Variants in MED13 observed in about 807,000 individuals in gnomAD.
MED13 encodes mediator complex subunit 13, also known as mediator of RNA polymerase II transcription subunit 13.
In MED13, 23 loss-of-function variants were observed where a neutral mutation model predicts 225.2. The ratio of observed to expected loss-of-function variants is 0.10; its 90% CI spans 0.07 to 0.14. MED13 has a LOEUF of 0.14. Among genes scored for constraint, MED13 ranks in the 10% least tolerant of loss-of-function variants. The probability of loss-of-function intolerance (pLI) is 1.00; values close to 1 mark genes in which losing one functional copy is unlikely to be tolerated. For missense variants in MED13, 2,197 were observed against 2,594.5 expected (o/e 0.85, Z 3.33); for synonymous variants, 942 against 889.2 (o/e 1.06, Z -1.06).
chr17:62,012,279 C>T (rs1292762974), intron 8 of MED13, among the ~76,000 whole-genome samples: 1 of 151,352 alleles, frequency 6.6e-6, no homozygotes, highest in African/African-American at 2.4e-5. Context: ...GAGATTTCCA[C>T]TCAATGAGAG....
chr17:61,980,764 A>G (rs2080196671), intron 16 of MED13, among the ~76,000 whole-genome samples: 1 of 152,116 alleles, frequency 6.6e-6, no homozygotes, highest in Non-Finnish European at 1.5e-5. Context: ...CAATAGCAAC[A>G]GAGTGTCTTG....
At chr17:62,003,614 A>AAAAAAAAAAAAAC (rs1419836656) in intron 9 of MED13, 1 of 151,002 alleles carries the variant, frequency 6.6e-6, no homozygotes, top group African/African-American at 2.4e-5. Flanking sequence ...AAAAAAAAAA[A>AAAAAAAAAAAAAC]AAAAAAAGCA....
rs190261461 is a variant in MED13 at position 62,052,710 on chromosome 17, A to G, written c.302-5T>C. 1,037 of 1,549,694 alleles carry G rather than the reference A, an allele frequency of 6.7e-4. 6 individuals are homozygous for G. The African/African-American group carries it at 0.013, about 19-fold the overall frequency. On this transcript the variant is annotated splice_region_variant and splice_polypyrimidine_tract_variant and intron_variant, in intron 2 of 29. Transcript: ENST00000397786. ...CCCACACTCCATCTTCTTCTTCTAAAAGAGAAATGAAGGAAATAATAAAAT... is the reference window on the plus strand; with the variant it reads ...CCCACACTCCATCTTCTTCTTCTAAGAGAGAAATGAAGGAAATAATAAAAT...
At chr17:62,016,932 C>T (rs1019713920) in intron 8 of MED13, among the ~76,000 whole-genome samples, 2 of 151,870 alleles carry the variant, frequency 1.3e-5, no homozygotes, top group African/African-American at 4.8e-5. Context: ...ATCACTTGAA[C>T]CCAGGAGGTG....
Position 61,969,653 on chromosome 17 carries a change from G to A in MED13, c.3968-1395C>T, listed in dbSNP as rs921192424. Among the ~76,000 whole-genome samples, 17 of 152,164 alleles carry A rather than the reference G, an allele frequency of 1.1e-4. No homozygotes were observed. In the East Asian group the frequency reaches 2.9e-3, roughly 26 times the overall value. On this transcript the variant is annotated intron_variant, in intron 17 of 29. Transcript: ENST00000397786. The stretch of plus-strand genomic sequence containing the variant: ...GTCTTGCTCTGTTGCCTAGGCTGCA[G>A]TGCAGTGGTGCGATCTCCACTCACT...
rs1263051973 is a variant in MED13, at chr17:61,942,907, C to A, written c.*3561G>T. ...CCAGTAATGACGTTACAATTTGTAG[C>A]TTAAACTCAATAACTTTAAGGTCCA... On this transcript the variant is annotated 3_prime_UTR_variant, in exon 30 of 30. Transcript: ENST00000397786. 6.6e-6 allele frequency: 1 copy of A among 152,504 alleles called. No individual in the cohort carries two copies. The allele number at this position is 152,504 out of a possible 1,614,324, so 9.4% of individuals were successfully genotyped here.
intron 8 of MED13, among the ~76,000 whole-genome samples, chr17:62,026,479 A>T (rs1378298351): frequency 3.7e-5 from 5 of 133,756 alleles, no homozygotes; most frequent in East Asian, 2.1e-4. Context: ...ATTTATCATT[A>T]AAAAAAAAAA....
At chr17:62,011,352 G>T (rs1441053810) in intron 8 of MED13, 119 bp from the exon 9 acceptor site, 3 of 865,454 alleles carry the variant, frequency 3.5e-6, no homozygotes, top group African/African-American at 3.5e-5. Context: ...AATACTAAAA[G>T]TAAAATAATT....
chr17:62,011,008 G>T lies in MED13; in HGVS notation c.1509C>A (p.Asp503Glu). 1.2e-6 allele frequency: 2 copies of T among 1,614,062 alleles called. No homozygotes were observed. Among genetic ancestry groups the T allele is most frequent in the Non-Finnish European group, 1.7e-6 (2 of 1,179,896 alleles). Residue 503 changes from aspartate to glutamate, a missense_variant, in exon 9 of 30, where the codon GAC (aspartate) becomes GAA (glutamate). This residue lies in a region of MED13 where 884 missense variants were observed against 918.5 expected (regional missense o/e 0.96). Coordinates refer to ENST00000397786, the MANE Select transcript of MED13 (RefSeq NM_005121.3). The part of the protein sequence containing the change: ...ASQRLVISAP[D>E]SQVRFSNIRT... ...GGATATTTGAAAATCTCACTTGACT[G>T]TCTGGAGCAGAGATCACAAGTCTTT...
intron 11 of MED13, 65 bp from the exon 12 acceptor site, chr17:61,987,193 T>G (rs888670157): frequency 3.3e-6 from 4 of 1,208,980 alleles, no homozygotes; most frequent in African/African-American, 1.6e-5. Context: ...TCCCAGCACT[T>G]TGGGAGGCCG....
rs769202081 is a variant in MED13 at position 62,011,214 on chromosome 17, T to C, written c.1303A>G (p.Arg435Gly). The C allele has an allele frequency of 9.0e-5, 145 of 1,606,250 alleles. No homozygotes were observed. Among genetic ancestry groups the C allele is most frequent in the Non-Finnish European group, 1.2e-4 (143 of 1,177,092 alleles). The change falls in exon 9 of 30, where the codon AGA (arginine) becomes GGA (glycine). Residue 435 changes from arginine to glycine, a missense_variant. By Grantham distance (125) the Arg-to-Gly change is moderately radical (BLOSUM62 -2). This residue lies in a region of MED13 where 884 missense variants were observed against 918.5 expected (regional missense o/e 0.96). Coordinates refer to ENST00000397786, the MANE Select transcript of MED13 (RefSeq NM_005121.3). The part of the protein sequence containing the change: ...SCLRHKNLKS[R>G]NAGQQGQAPS... ...GCCTGTCCTTGTTGTCCAGCATTTC[T>C]TGACTTGAGATTTTTGTGCCTGAAA...
At position 61,946,531 on chromosome 17, in the gene MED13, T is replaced by A; in HGVS notation, c.6462A>T (p.Ser2154=). ...GCACCACAAAATGAATTGGGAGACATGAGCGTCTGTCCTGGGTTGCAGGGT... is the reference window on the plus strand; with the variant it reads ...GCACCACAAAATGAATTGGGAGACAAGAGCGTCTGTCCTGGGTTGCAGGGT... The part of the protein sequence containing the change: ...TCDPATQDRR[S]CLPIHFVVLN... Residue 2154 remains serine (S), a synonymous_variant, in exon 30 of 30, where the codon TCA becomes TCT. Transcript: ENST00000397786. 1 of 1,613,904 alleles carries A rather than the reference T, an allele frequency of 6.2e-7. No individual in the cohort carries two copies. The highest frequency in any genetic ancestry group is 8.5e-7 in the Non-Finnish European group (1 of 1,179,786).
chr17:61,984,177 T>C lies in MED13; in HGVS notation c.2882A>G (p.Lys961Arg). The change falls in exon 15 of 30, where the codon AAA becomes AGA. Residue 961 changes from lysine to arginine, a missense_variant. This residue lies in a region of MED13 where 160 missense variants were observed against 184.8 expected (regional missense o/e 0.87). Coordinates refer to ENST00000397786, the MANE Select transcript of MED13 (RefSeq NM_005121.3). The stretch of plus-strand genomic sequence containing the variant: ...GTAACAACATAAATCATACCCCTCT[T>C]TGATGAATGGCATTGAAGGCCCTGA... Reference protein sequence around the residue: ...LSSGPSMPFIKEGDGSNMDQE... With the variant: ...LSSGPSMPFIREGDGSNMDQE... The C allele has an allele frequency of 1.3e-6, 2 of 1,558,970 alleles. No homozygotes were observed. The highest frequency in any genetic ancestry group is 1.7e-6 in the Non-Finnish European group (2 of 1,155,948).
chr17:61,960,788 A>G, intron 23 of MED13, 79 bp downstream of exon 23: 2 of 1,043,766 alleles, frequency 1.9e-6, no homozygotes, highest in Non-Finnish European at 2.8e-6. Context: ...AAAACCTTCA[A>G]ACTGGTTTTC....
At position 62,010,915 on chromosome 17, in the gene MED13, G is replaced by A. The variant is rs931809267; in HGVS notation, c.1602C>T (p.Pro534=). The A allele has an allele frequency of 4.3e-6, 7 of 1,612,734 alleles. No homozygotes were observed. Among genetic ancestry groups the A allele is most frequent in the South Asian group, 2.2e-5 (2 of 91,008 alleles). The change falls in exon 9 of 30, where the codon CCC becomes CCT. Residue 534 remains proline, a synonymous_variant. Coordinates refer to ENST00000397786, the MANE Select transcript of MED13 (RefSeq NM_005121.3). ...CATCACAAGGGTGAGGACTAAGTGG[G>A]GGTGGTTGAGGTGAATTTGCCATTT... ...GTEMANSPQP[P]PLSPHPCDVV... is the part of the protein sequence containing the mutation.
In MED13 at chr17:61,954,902, T is replaced by C. The variant is rs559032032; in HGVS notation, c.5968+480A>G. Among the ~76,000 whole-genome samples the C allele has an allele frequency of 4.1e-4, 62 of 152,342 alleles. No homozygotes were observed. In the South Asian group the frequency reaches 0.011, roughly 28 times the overall value. ...CACTTTAATAAGTTACCACAAACTG[T>C]TGGCTTAAAAACAACACATATTTAT... On this transcript the variant is annotated intron_variant, in intron 26 of 29. Transcript: ENST00000397786.
intron 3 of MED13, among the ~76,000 whole-genome samples, chr17:62,050,006 TAA>T (rs1217454274): frequency 1.3e-5 from 2 of 151,802 alleles, no homozygotes; most frequent in African/African-American, 4.8e-5. Flanking sequence ...TATAAAATTA[TAA>T]GAGTATAAAC....
intron 16 of MED13, 97 bp downstream of exon 16, chr17:61,982,101 T>C (rs1295739618): frequency 1.7e-6 from 2 of 1,177,054 alleles, no homozygotes; most frequent in Non-Finnish European, 2.4e-6. Context: ...ACTTTAAATG[T>C]ATTTGCCACA....
chr17:62,041,817 AAGCAATCCTCCT>A (rs2080855361), intron 3 of MED13, among the ~76,000 whole-genome samples: 1 of 152,206 alleles, frequency 6.6e-6, no homozygotes, highest in Non-Finnish European at 1.5e-5. Context: ...TCCTGAGCTT[AAGCAATCCTCCT>A]GTCTTGGCCT....
Sources: allele counts gnomAD v4.1 joint callset (sites outside exome capture counted in the v4.1 genomes callset), GRCh38; gene constraint gnomAD v4.1.1; regional missense constraint gnomAD v4.1.1; transcripts MANE v1.5; gene names NCBI Gene and HGNC (gene_info 2026-07-23, HGNC 2026-07-21).